The following PLB1 variants were observed in gnomAD, a reference collection of about 807,000 sequenced individuals.
PLB1 encodes the protein phospholipase B1, also known as phospholipase B1, membrane-associated.
PLB1 carries 242 observed loss-of-function variants against 227.4 expected under a neutral mutation model. That is an observed-to-expected ratio of 1.06 (90% CI 0.96 to 1.18). The LOEUF (loss-of-function observed/expected upper bound fraction) is 1.18. PLB1 is among the 50% of genes most tolerant of loss of function. PLB1 has a pLI of 0.00. For synonymous variants in PLB1, 757 were observed against 682.2 expected, an observed-to-expected ratio of 1.11 and a Z score of -1.71; for missense variants, 1,858 against 1,816.3, an observed-to-expected ratio of 1.02 and a Z score of -0.42.
intron 22 of PLB1, among the ~76,000 whole-genome samples, chr2:28,578,901 C>T (rs1411818824): frequency 6.6e-6 from 1 of 152,046 alleles, no homozygotes; most frequent in Admixed American, 6.5e-5. Context: ...AAGTGTAGAT[C>T]AGGGAAGCAA....
chr2:28,636,086 T>A (rs1363185310), intron 56 of PLB1, among the ~76,000 whole-genome samples: 1 of 152,098 alleles, frequency 6.6e-6, no homozygotes, highest in Non-Finnish European at 1.5e-5. Flanking sequence ...TATGACAGAG[T>A]CTCACTCTGT....
intron 56 of PLB1, among the ~76,000 whole-genome samples, chr2:28,635,959 G>T (rs976596729): frequency 3.3e-5 from 5 of 152,120 alleles, no homozygotes; most frequent in Non-Finnish European, 7.4e-5. Flanking sequence ...AGCTCTGGCT[G>T]CATATTAGAA....
intron 21 of PLB1, among the ~76,000 whole-genome samples, chr2:28,573,530 A>T (rs1678379189): frequency 6.6e-6 from 1 of 152,198 alleles, no homozygotes; most frequent in Non-Finnish European, 1.5e-5. Context: ...GATGCCAGGC[A>T]TATGCTCTGA....
intron 23 of PLB1, 95 bp from the exon 24 acceptor site, chr2:28,581,973 A>G: frequency 7.8e-7 from 1 of 1,280,132 alleles, no homozygotes; most frequent in South Asian, 1.3e-5. Flanking sequence ...AAAAAGAAAA[A>G]AAAAAAAGAA....
intron 30 of PLB1, 127 bp downstream of exon 30, chr2:28,591,298 C>T: frequency 6.0e-6 from 7 of 1,164,248 alleles, no homozygotes; most frequent in Non-Finnish European, 9.0e-6. Context: ...AGGCCACCCA[C>T]CTGACCTTCA....
intron 1 of PLB1, among the ~76,000 whole-genome samples, chr2:28,512,992 A>C (rs1006889530): frequency 2.6e-5 from 4 of 152,170 alleles, no homozygotes; most frequent in Non-Finnish European, 5.9e-5. Context: ...TGCCCCATTA[A>C]ATTTCTGATT....
At chr2:28,642,191 C>A (rs1467211221) in intron 57 of PLB1, among the ~76,000 whole-genome samples, 1 of 152,200 alleles carries the variant, frequency 6.6e-6, no homozygotes, top group Non-Finnish European at 1.5e-5. Flanking sequence ...TCATGAGACA[C>A]CGACCCAGTC....
At chr2:28,526,352 A>C (rs964186828) in intron 6 of PLB1, among the ~76,000 whole-genome samples, 23 of 152,146 alleles carry the variant, frequency 1.5e-4, no homozygotes, top group Non-Finnish European at 3.4e-4. Context: ...CCGAATTTCC[A>C]GTCTATTTTA....
At chr2:28,587,557 C>A (rs1428112262) in intron 26 of PLB1, among the ~76,000 whole-genome samples, 1 of 151,974 alleles carries the variant, frequency 6.6e-6, no homozygotes, top group Non-Finnish European at 1.5e-5. Context: ...TTGCAGTGAG[C>A]CGAGATTGCA....
intron 17 of PLB1, among the ~76,000 whole-genome samples, chr2:28,560,938 G>T (rs1252997151): frequency 2.6e-5 from 4 of 152,000 alleles, no homozygotes; most frequent in Non-Finnish European, 4.4e-5. Context: ...ATCCAAGCTC[G>T]ACCCTACCAC....
At chr2:28,602,265 A>G (rs2148300575) in intron 38 of PLB1, among the ~76,000 whole-genome samples, 1 of 152,354 alleles carries the variant, frequency 6.6e-6, no homozygotes, top group East Asian at 1.9e-4. Flanking sequence ...TGGTGGTGGC[A>G]GCCAGGTGGC....
In PLB1 at chr2:28,601,953, C is replaced by G. The variant is rs1391383861; in HGVS notation, c.2662C>G (p.Leu888Val). 6.2e-7 allele frequency: 1 copy of G among 1,611,006 alleles called. No individual in the cohort carries two copies. Among genetic ancestry groups the G allele is most frequent in the Admixed American group, 1.7e-5 (1 of 60,014 alleles). ...VHHLRNALDV[L>V]HREVPRVLVN... ...CCATCTCCGCAATGCCTTGGACGTCCTGCATAGAGAGGTGGGTGGGGGGCT... is the reference window on the plus strand; with the variant it reads ...CCATCTCCGCAATGCCTTGGACGTCGTGCATAGAGAGGTGGGTGGGGGGCT... Residue 888 changes from leucine (L) to valine (V), a missense_variant, in exon 38 of 58, where the codon CTG becomes GTG. Coordinates refer to ENST00000327757, the MANE Select transcript of PLB1 (RefSeq NM_153021.5).
intron 42 of PLB1, 33 bp downstream of exon 42, chr2:28,605,981 G>A (rs760975342): frequency 1.3e-6 from 2 of 1,541,492 alleles, no homozygotes; most frequent in Non-Finnish European, 1.8e-6. Flanking sequence ...TGTTCTCTGG[G>A]GTTCTAGTCT....
At chr2:28,509,056 TA>T (rs1386521757) in intron 1 of PLB1, among the ~76,000 whole-genome samples, 1 of 152,202 alleles carries the variant, frequency 6.6e-6, no homozygotes, top group Admixed American at 6.5e-5. Context: ...ACAGGGAAGC[TA>T]GTCCTATTTG....
At chr2:28,519,816 C>A in intron 4 of PLB1, 53 bp downstream of exon 4, 1 of 1,438,440 alleles carries the variant, frequency 7.0e-7, no homozygotes, top group Non-Finnish European at 9.8e-7. Flanking sequence ...ACTGATGATC[C>A]TCTGAATGGG....
At chr2:28,603,759 C>G (rs1456112768) in intron 39 of PLB1, among the ~76,000 whole-genome samples, 1 of 152,242 alleles carries the variant, frequency 6.6e-6, no homozygotes, top group Non-Finnish European at 1.5e-5. Flanking sequence ...CATTCCCACA[C>G]TGGCTCCCTC....
intron 44 of PLB1, among the ~76,000 whole-genome samples, chr2:28,616,158 T>C (rs182898191): frequency 9.6e-4 from 147 of 152,336 alleles, no homozygotes; most frequent in African/African-American, 3.1e-3. Flanking sequence ...TCTAGTGTTT[T>C]ATAGCACAGT....
Position 28,620,923 on chromosome 2 carries a change from A to G in PLB1, c.3472A>G (p.Ser1158Gly), listed in dbSNP as rs554266391. The G allele has an allele frequency of 2.8e-4, 446 of 1,613,958 alleles. 7 individuals carry two copies. In the South Asian group the frequency reaches 4.7e-3, roughly 17 times the overall value. ...CCCTTACCTCCTTGGCTTCTCTACC[A>G]GCACCTGGGAGGGGACAGCAGGACT... is the stretch of plus-strand genomic sequence containing the variant. ...FNPYLLGFST[S>G]TWEGTAGLNV... Residue 1158 changes from serine to glycine, a missense_variant, in exon 49 of 58, where the codon AGC becomes GGC. Ser to Gly is a moderately conservative substitution (Grantham distance 56, BLOSUM62 0). Transcript: ENST00000327757.
At chr2:28,566,116 G>GTT in intron 19 of PLB1, among the ~76,000 whole-genome samples, 1 of 152,238 alleles carries the variant, frequency 6.6e-6, no homozygotes, top group East Asian at 1.9e-4. Context: ...CTGGAATCTG[G>GTT]CATCTCTATC....
Sources: allele counts gnomAD v4.1 joint callset (sites outside exome capture counted in the v4.1 genomes callset), GRCh38; gene constraint gnomAD v4.1.1; transcripts MANE v1.5; gene names NCBI Gene and HGNC (gene_info 2026-07-23, HGNC 2026-07-21).